The following LUC7L3 variants were observed in gnomAD, a reference collection of about 807,000 sequenced individuals.
LUC7L3 encodes the protein LUC7 like 3 pre-mRNA splicing factor, also known as luc7-like protein 3.
Under a neutral mutation model 66.8 loss-of-function variants are expected in LUC7L3, and 6 were observed. That is an observed-to-expected ratio of 0.09 (90% confidence interval 0.05 to 0.18). LUC7L3 has a LOEUF of 0.18. LUC7L3 is among the 10% of genes least tolerant of loss of function. LUC7L3 has a pLI of 1.00. For missense variants in LUC7L3, 341 were observed against 531.1 expected, an observed-to-expected ratio of 0.64 and a Z score of 3.52; for synonymous variants, 160 against 174.7, an observed-to-expected ratio of 0.92 and a Z score of 0.66.
rs567110880 is a variant in LUC7L3 at position 50,746,606 on chromosome 17, C to T, written c.1042C>T (p.Arg348Trp). 27 of 1,613,770 alleles carry T rather than the reference C, an allele frequency of 1.7e-5. No individual in the cohort carries two copies. Among genetic ancestry groups the T allele is most frequent in the Admixed American group, 3.3e-5 (2 of 59,984 alleles). The change falls in exon 9 of 10, where the codon CGG becomes TGG. Residue 348 changes from arginine (R) to tryptophan (W), a missense_variant. Around this residue, in one of 6 missense-constraint regions of LUC7L3, gnomAD observed 210 missense variants for 238.1 expected, o/e 0.88. Coordinates refer to ENST00000505658, the MANE Select transcript of LUC7L3 (RefSeq NM_016424.5). ...RSERKHRSRSRDRRRSKSRDR... is the reference protein window; with the variant it reads ...RSERKHRSRSWDRRRSKSRDR... ...AGAAAGAAAACACAGATCTCGAAGT[C>T]GGGATCGAAGAAGATCAAAAAGCCG...
intron 2 of LUC7L3, among the ~76,000 whole-genome samples, chr17:50,738,787 C>T (rs1970158752): frequency 6.6e-6 from 1 of 152,000 alleles, no homozygotes; most frequent in Admixed American, 6.6e-5. Flanking sequence ...AAAAAATTTG[C>T]AGTACTAAAG....
At position 50,745,809 on chromosome 17, in the gene LUC7L3, G is replaced by A; in HGVS notation, c.783G>A (p.Arg261=). The change falls in exon 8 of 10, where the codon CGG becomes CGA. Residue 261 remains arginine, a synonymous_variant. Transcript: ENST00000505658. The stretch of plus-strand genomic sequence containing the variant: ...AAAGAGAAGAAAGAGAAAAAGAACG[G>A]GAGAGAGAAAGGGAAGAAAGAGAAA... The part of the protein sequence containing the change: ...KQEREEREKE[R]EREREERERK... 1.3e-6 allele frequency: 2 copies of A among 1,590,954 alleles called. No individual in the cohort carries two copies. The highest frequency in any genetic ancestry group is 1.7e-6 in the Non-Finnish European group (2 of 1,163,284).
rs1224892731 is a variant in LUC7L3 at position 50,752,225 on chromosome 17, G to A, written c.*1564G>A. Reference sequence around the variant, plus strand: ...GACTACTGTTCGAAGATTTTTGGAAGAATACTGAGAACGGCATAAAGTGAA... The same window carrying A: ...GACTACTGTTCGAAGATTTTTGGAAAAATACTGAGAACGGCATAAAGTGAA... On this transcript the variant is annotated 3_prime_UTR_variant, in exon 10 of 10. Coordinates refer to ENST00000505658, the MANE Select transcript of LUC7L3 (RefSeq NM_016424.5). The A allele has an allele frequency of 7.8e-7, 1 of 1,286,156 alleles. No individual in the cohort carries two copies. Among genetic ancestry groups the A allele is most frequent in the Non-Finnish European group, 1.0e-6 (1 of 987,080 alleles). The allele number at this position is 1,286,156 out of a possible 1,614,324, so 79.7% of individuals were successfully genotyped here. A position where few individuals can be genotyped will look rare whatever the true frequency, so the allele number is the denominator to read the frequency against.
At chr17:50,750,437 TCAAAATCA>T in intron 9 of LUC7L3, 56 bp from the exon 10 acceptor site, 2 of 1,481,586 alleles carry the variant, frequency 1.3e-6, no homozygotes, top group African/African-American at 1.4e-5. Context: ...TCACTTTTTT[TCAAAATCA>T]TGTCTTTATT....
chr17:50,727,131 AT>A (rs1969249052), intron 1 of LUC7L3, among the ~76,000 whole-genome samples: 1 of 152,176 alleles, frequency 6.6e-6, no homozygotes. Flanking sequence ...AATATACAAA[AT>A]ACGTGTTAAC....
intron 1 of LUC7L3, among the ~76,000 whole-genome samples, chr17:50,728,278 A>G (rs967397286): frequency 1.3e-5 from 2 of 152,236 alleles, no homozygotes; most frequent in Admixed American, 1.3e-4. Flanking sequence ...GGCAATAAAT[A>G]GTGAATCATA....
Position 50,755,138 on chromosome 17 carries a change from A to C in LUC7L3, c.*4477A>C, listed in dbSNP as rs1156790559. ...TTTTAGTTGTTTGTGAAAGAACCCC[A>C]GGTCTACTTTTGAAATTTTGTATTA... On this transcript the variant is annotated 3_prime_UTR_variant, in exon 10 of 10. Coordinates refer to ENST00000505658, the MANE Select transcript of LUC7L3 (RefSeq NM_016424.5). 1 of 152,130 alleles carries C rather than the reference A, an allele frequency of 6.6e-6. No individual in the cohort carries two copies. The highest frequency in any genetic ancestry group is 1.5e-5 in the Non-Finnish European group (1 of 68,014). The allele number at this position is 152,130 out of a possible 1,614,324, so 9.4% of individuals were successfully genotyped here. A position where few individuals can be genotyped will look rare whatever the true frequency, so the allele number is the denominator to read the frequency against.
chr17:50,729,195 A>T (rs1272274561), intron 1 of LUC7L3, among the ~76,000 whole-genome samples: 1 of 152,142 alleles, frequency 6.6e-6, no homozygotes, highest in Admixed American at 6.5e-5. Context: ...AATAAAAGCG[A>T]GGTAATTACC....
Position 50,754,370 on chromosome 17 carries a change from C to T in LUC7L3, c.*3709C>T, listed in dbSNP as rs879371136. ...CTTCATGAGTGATTGTATTTGTATC[C>T]ACTGTTTTCTATTATTTTCGAGCAA... On this transcript the variant is annotated 3_prime_UTR_variant, in exon 10 of 10. Transcript: ENST00000505658. 2.3e-4 allele frequency: 35 copies of T among 152,136 alleles called. No individual in the cohort carries two copies. Among genetic ancestry groups the T allele is most frequent in the Non-Finnish European group, 4.6e-4 (31 of 68,014 alleles). 9.4% of individuals were successfully genotyped at this position (152,136 alleles called of 1,614,324 possible). A position where few individuals can be genotyped will look rare whatever the true frequency, so the allele number is the denominator to read the frequency against.
chr17:50,742,272 G>T (rs1970395590), intron 5 of LUC7L3, among the ~76,000 whole-genome samples: 1 of 152,152 alleles, frequency 6.6e-6, no homozygotes, highest in South Asian at 2.1e-4. Flanking sequence ...AGCTGGAACT[G>T]GGGTATAATA....
At chr17:50,725,410 CA>C (rs999500638) in intron 1 of LUC7L3, among the ~76,000 whole-genome samples, 23 of 148,328 alleles carry the variant, frequency 1.6e-4, no homozygotes, top group African/African-American at 5.7e-4. Context: ...GACTCCATTT[CA>C]AAAAAAAAAT....
intron 1 of LUC7L3, among the ~76,000 whole-genome samples, chr17:50,730,616 A>C (rs536037022): frequency 5.6e-4 from 85 of 151,870 alleles, no homozygotes; most frequent in African/African-American, 2.0e-3. Context: ...TGTTGGATCT[A>C]AGTAGATATA....
At chr17:50,729,844 G>A (rs1384616160) in intron 1 of LUC7L3, among the ~76,000 whole-genome samples, 1 of 140,534 alleles carries the variant, frequency 7.1e-6, no homozygotes, top group Non-Finnish European at 1.6e-5. Flanking sequence ...TCCAACATGA[G>A]TTGTGTTGCC....
intron 5 of LUC7L3, among the ~76,000 whole-genome samples, chr17:50,743,209 T>TA (rs149996962): frequency 1.0e-3 from 93 of 91,284 alleles, no homozygotes; most frequent in Admixed American, 1.7e-3. Flanking sequence ...TCCTTTTTTT[T>TA]AAAAAAAAAA....
At chr17:50,738,374 A>C (rs1221084867) in intron 2 of LUC7L3, among the ~76,000 whole-genome samples, 1 of 152,242 alleles carries the variant, frequency 6.6e-6, no homozygotes, top group Non-Finnish European at 1.5e-5. Context: ...CAGACGTTCG[A>C]AGAAAGCCTT....
intron 5 of LUC7L3, among the ~76,000 whole-genome samples, 171 bp downstream of exon 5, chr17:50,741,902 AAGTG>A (rs1185656485): frequency 1.3e-5 from 2 of 151,722 alleles, no homozygotes; most frequent in Non-Finnish European, 2.9e-5. Context: ...CTGGGCAACA[AAGTG>A]AGACCCAGTC....
At chr17:50,735,698 A>C (rs142105486) in intron 1 of LUC7L3, among the ~76,000 whole-genome samples, 2 of 151,932 alleles carry the variant, frequency 1.3e-5, no homozygotes, top group Admixed American at 6.6e-5. Flanking sequence ...GGGTTTTGCC[A>C]TGTTGCCCAA....
intron 9 of LUC7L3, among the ~76,000 whole-genome samples, chr17:50,747,614 CT>C (rs1486330661): frequency 2.0e-5 from 3 of 152,052 alleles, no homozygotes; most frequent in Non-Finnish European, 4.4e-5. Context: ...TTATACTAGT[CT>C]TTTGTGTGTT....
Position 50,719,657 on chromosome 17 carries a change from G to T in LUC7L3, c.-76G>T, listed in dbSNP as rs1028131599. On this transcript the variant is annotated 5_prime_UTR_variant, in exon 1 of 10. Transcript: ENST00000505658. ...TTTCGGCCTGAGAGCGGGCCGAGGAGATTGGCGACGGTGTCGCCCGTGTTT... is the reference window on the plus strand; with the variant it reads ...TTTCGGCCTGAGAGCGGGCCGAGGATATTGGCGACGGTGTCGCCCGTGTTT... 1 of 1,266,016 alleles carries T rather than the reference G, an allele frequency of 7.9e-7. No homozygotes were observed. Among genetic ancestry groups the T allele is most frequent in the East Asian group, 2.5e-5 (1 of 40,278 alleles). The allele number at this position is 1,266,016 out of a possible 1,614,324, so 78.4% of individuals were successfully genotyped here.
Sources: allele counts gnomAD v4.1 joint callset (sites outside exome capture counted in the v4.1 genomes callset), GRCh38; gene constraint gnomAD v4.1.1; regional missense constraint gnomAD v4.1.1; transcripts MANE v1.5; gene names NCBI Gene and HGNC (gene_info 2026-07-23, HGNC 2026-07-21).